SAE1: variants seen among roughly 807,000 people sequenced by gnomAD.
SAE1 encodes SUMO1 activating enzyme subunit 1, also known as SUMO-activating enzyme subunit 1.
A neutral mutation model predicts 40.6 loss-of-function variants in SAE1; 11 were observed. The ratio of observed to expected loss-of-function variants is 0.27; its 90% CI spans 0.17 to 0.45. The LOEUF (loss-of-function observed/expected upper bound fraction) is 0.45. Ranked by LOEUF, SAE1 falls within the 20% of genes least tolerant of loss-of-function variation. SAE1 has a pLI of 1.00. For synonymous variants in SAE1, 155 were observed against 154.3 expected, an observed-to-expected ratio of 1.00 and a Z score of -0.03; for missense variants, 373 against 427.3, an observed-to-expected ratio of 0.87 and a Z score of 1.12.
At chr19:47,150,406 G>T in intron 3 of SAE1, 31 bp downstream of exon 3, 3 of 1,552,328 alleles carry the variant, frequency 1.9e-6, no homozygotes, top group Non-Finnish European at 2.6e-6. Context: ...TCTGCTGTGG[G>T]AATTAAACAA....
At chr19:47,131,077 A>G (rs2058138973) in intron 1 of SAE1, 49 bp downstream of exon 1, 2 of 1,473,318 alleles carry the variant, frequency 1.4e-6, no homozygotes, top group South Asian at 1.3e-5. Flanking sequence ...GGGGGCGTCT[A>G]TTCTGAGGCG....
At chr19:47,155,604 AT>A (rs1220769621) in intron 5 of SAE1, among the ~76,000 whole-genome samples, 1 of 150,402 alleles carries the variant, frequency 6.6e-6, no homozygotes, top group Admixed American at 6.6e-5. Context: ...CCCCTGGCTA[AT>A]TTTTTTTTGT....
At chr19:47,148,617 C>CTT (rs923760660) in intron 2 of SAE1, among the ~76,000 whole-genome samples, 2 of 139,522 alleles carry the variant, frequency 1.4e-5, no homozygotes, top group African/African-American at 2.6e-5. Flanking sequence ...TCTCTGAGTT[C>CTT]TTTTTTTTTT....
intron 6 of SAE1, among the ~76,000 whole-genome samples, chr19:47,179,988 T>G (rs1316392774): frequency 1.3e-5 from 2 of 152,206 alleles, no homozygotes; most frequent in African/African-American, 4.8e-5. Context: ...GAAAAGGGTG[T>G]TCCTATGAAT....
chr19:47,201,209 C>T (rs909771428), intron 7 of SAE1, among the ~76,000 whole-genome samples: 17 of 151,332 alleles, frequency 1.1e-4, no homozygotes, highest in South Asian at 1.0e-3. Context: ...CCACCACGCC[C>T]GGCTAATTTT....
chr19:47,154,480 C>CCTTTT (rs2058307612), intron 4 of SAE1, among the ~76,000 whole-genome samples: 1 of 51,576 alleles, frequency 1.9e-5, no homozygotes, highest in African/African-American at 8.4e-5. Context: ...TTAAGTTTGG[C>CCTTTT]TTTTTTTTTT....
chr19:47,147,673 G>A (rs1054500286), intron 2 of SAE1, among the ~76,000 whole-genome samples: 2 of 151,290 alleles, frequency 1.3e-5, no homozygotes, highest in African/African-American at 4.9e-5. Context: ...GGCTGGTCTC[G>A]AACTTCTGAC....
At chr19:47,165,733 T>A (rs1221075073) in intron 5 of SAE1, among the ~76,000 whole-genome samples, 1 of 152,104 alleles carries the variant, frequency 6.6e-6, no homozygotes, top group Non-Finnish European at 1.5e-5. Flanking sequence ...CTTGGTTAAG[T>A]TTTGTTTTGT....
At chr19:47,187,809 A>G (rs2058552946) in intron 6 of SAE1, among the ~76,000 whole-genome samples, 1 of 151,924 alleles carries the variant, frequency 6.6e-6, no homozygotes, top group Admixed American at 6.6e-5. Flanking sequence ...GGCGTGAGCC[A>G]CTGCACCCGG....
intron 1 of SAE1, among the ~76,000 whole-genome samples, chr19:47,133,973 C>T (rs1172577218): frequency 6.6e-6 from 1 of 151,812 alleles, no homozygotes; most frequent in African/African-American, 2.4e-5. Flanking sequence ...AGCAATTCTC[C>T]TGCCTCAGCC....
intron 6 of SAE1, among the ~76,000 whole-genome samples, chr19:47,174,619 C>T (rs1162504572): frequency 6.8e-6 from 1 of 146,102 alleles, no homozygotes; most frequent in Non-Finnish European, 1.5e-5. Flanking sequence ...GTCTCCCAGC[C>T]TGGAGTGCAG....
rs527457334 is a variant in SAE1 at position 47,155,048 on chromosome 19, T to A, written c.528-66T>A. 3.9e-6 allele frequency: 4 copies of A among 1,024,430 alleles called. No individual in the cohort carries two copies. The South Asian group carries it at 3.9e-5, about 10-fold the overall frequency. 63.5% of individuals were successfully genotyped at this position (1,024,430 alleles called of 1,614,324 possible). On this transcript the variant is annotated intron_variant, in intron 4 of 8. Transcript: ENST00000270225. ...ATCCCGATCTGTGACCTGGAGAGGC[T>A]TTTTTTGATTCCAATAACATGATTC...
intron 6 of SAE1, among the ~76,000 whole-genome samples, chr19:47,192,483 G>A (rs1309623386): frequency 6.6e-6 from 1 of 151,060 alleles, no homozygotes; most frequent in Non-Finnish European, 1.5e-5. Context: ...CCCTGACCTC[G>A]TGATCCACCC....
At chr19:47,139,749 C>T (rs1268329677) in intron 1 of SAE1, among the ~76,000 whole-genome samples, 5 of 149,276 alleles carry the variant, frequency 3.3e-5, no homozygotes, top group South Asian at 2.1e-4. Flanking sequence ...CCACCACTCC[C>T]GGCCAATTTT....
At position 47,198,625 on chromosome 19, in the gene SAE1, C is replaced by G. The variant is rs568418904; in HGVS notation, c.878+1248C>G. On this transcript the variant is annotated intron_variant, in intron 7 of 8. Transcript: ENST00000270225. ...CCCAGGTATCATTACAGTGCTTGCTCTAGTAGCAGCATGCTACCTTGGTTT... is the reference window on the plus strand; with the variant it reads ...CCCAGGTATCATTACAGTGCTTGCTGTAGTAGCAGCATGCTACCTTGGTTT... Among the ~76,000 whole-genome samples, 9 of 152,308 alleles carry G rather than the reference C, an allele frequency of 5.9e-5. No individual in the cohort carries two copies. The East Asian group carries it at 1.7e-3, about 29-fold the overall frequency.
intron 2 of SAE1, 51 bp downstream of exon 2, chr19:47,143,656 A>G (rs935119641): frequency 7.3e-7 from 1 of 1,375,764 alleles, no homozygotes; most frequent in Non-Finnish European, 1.0e-6. Context: ...CCTTTCCAGC[A>G]TGAAGATCTG....
chr19:47,187,776 C>CCAA (rs2058552747), intron 6 of SAE1, among the ~76,000 whole-genome samples: 1 of 152,162 alleles, frequency 6.6e-6, no homozygotes, highest in African/African-American at 2.4e-5. Flanking sequence ...CTTGCCTTGG[C>CCAA]CTCTCAAAGT....
At chr19:47,146,583 T>A (rs756397961) in intron 2 of SAE1, among the ~76,000 whole-genome samples, 1 of 152,158 alleles carries the variant, frequency 6.6e-6, no homozygotes, top group Non-Finnish European at 1.5e-5. Flanking sequence ...GCTGCAGTTG[T>A]ATTATCTCAT....
chr19:47,168,247 G>T (rs534176423), intron 5 of SAE1, among the ~76,000 whole-genome samples: 1 of 151,980 alleles, frequency 6.6e-6, no homozygotes, highest in Non-Finnish European at 1.5e-5. Context: ...GTTTATATGC[G>T]AACCATTTGT....
Sources: allele counts gnomAD v4.1 joint callset (sites outside exome capture counted in the v4.1 genomes callset), GRCh38; gene constraint gnomAD v4.1.1; transcripts MANE v1.5; gene names NCBI Gene and HGNC (gene_info 2026-07-23, HGNC 2026-07-21).